PDE3A: variants seen among roughly 807,000 people sequenced by gnomAD.
PDE3A encodes cGMP-inhibited 3',5'-cyclic phosphodiesterase 3A.
Under a neutral mutation model 98.3 loss-of-function variants are expected in PDE3A, and 43 were observed. That is an observed-to-expected ratio of 0.44 (90% CI 0.34 to 0.56). The LOEUF is 0.56. PDE3A is among the 20% of genes least tolerant of loss of function. The pLI, the probability that PDE3A is intolerant of heterozygous loss-of-function variation, is 0.01. For synonymous variants in PDE3A, 663 were observed against 567.9 expected, an observed-to-expected ratio of 1.17 and a Z score of -2.38; for missense variants, 1,427 against 1,440.7, an observed-to-expected ratio of 0.99 and a Z score of 0.15.
chr12:20,594,245 G>A (rs1199057658), intron 2 of PDE3A, among the ~76,000 whole-genome samples: 1 of 151,978 alleles, frequency 6.6e-6, no homozygotes, highest in African/African-American at 2.4e-5. Flanking sequence ...AAGCGAGGAG[G>A]AAAAAGAGAA....
intron 1 of PDE3A, among the ~76,000 whole-genome samples, chr12:20,436,857 C>G (rs1296254434): frequency 1.3e-5 from 2 of 152,124 alleles, no homozygotes; most frequent in African/African-American, 2.4e-5. Context: ...GCGAATTAGC[C>G]CTCACTTCCA....
At chr12:20,519,647 A>G (rs536848253) in intron 1 of PDE3A, among the ~76,000 whole-genome samples, 36 of 152,338 alleles carry the variant, frequency 2.4e-4, no homozygotes, top group African/African-American at 8.4e-4. Flanking sequence ...GAAGAAGGGA[A>G]TGTAAAAATA....
At chr12:20,416,701 T>G (rs1053954153) in intron 1 of PDE3A, among the ~76,000 whole-genome samples, 30 of 152,308 alleles carry the variant, frequency 2.0e-4, no homozygotes, top group African/African-American at 7.2e-4. Flanking sequence ...CAAGAAATTA[T>G]GAAAACTCAG....
At chr12:20,651,258 C>T (rs901801826) in intron 14 of PDE3A, among the ~76,000 whole-genome samples, 1 of 152,158 alleles carries the variant, frequency 6.6e-6, no homozygotes, top group Non-Finnish European at 1.5e-5. Context: ...ACCCTACACC[C>T]ATCAGAATGC....
intron 1 of PDE3A, among the ~76,000 whole-genome samples, chr12:20,446,427 A>G (rs1944955056): frequency 6.6e-6 from 1 of 152,260 alleles, no homozygotes; most frequent in South Asian, 2.1e-4. Flanking sequence ...ATTTCATGGT[A>G]TCTAAGCCAA....
intron 1 of PDE3A, among the ~76,000 whole-genome samples, chr12:20,473,819 A>T (rs1266500576): frequency 6.6e-6 from 1 of 152,014 alleles, no homozygotes; most frequent in Non-Finnish European, 1.5e-5. Flanking sequence ...ATTATAGTTC[A>T]TTCATTTTCC....
intron 1 of PDE3A, among the ~76,000 whole-genome samples, chr12:20,549,110 G>A (rs1407709550): frequency 6.6e-6 from 1 of 151,940 alleles, no homozygotes; most frequent in Admixed American, 6.6e-5. Flanking sequence ...GTAATATTAA[G>A]TCAGTTTATC....
At chr12:20,447,670 G>A (rs978401494) in intron 1 of PDE3A, among the ~76,000 whole-genome samples, 11 of 152,194 alleles carry the variant, frequency 7.2e-5, no homozygotes, top group African/African-American at 2.7e-4. Flanking sequence ...CCAACTGGCT[G>A]TTCATTCATA....
intron 1 of PDE3A, among the ~76,000 whole-genome samples, chr12:20,446,904 C>T (rs1944966099): frequency 1.3e-5 from 2 of 152,002 alleles, no homozygotes; most frequent in South Asian, 4.2e-4. Context: ...GAACTGCAGT[C>T]CAAGGAGAAA....
At chr12:20,561,635 A>T (rs535292296) in intron 2 of PDE3A, among the ~76,000 whole-genome samples, 39 of 152,026 alleles carry the variant, frequency 2.6e-4, no homozygotes, top group African/African-American at 6.5e-4. Flanking sequence ...TTTTTTTTTT[A>T]AAGTCAACCT....
At chr12:20,543,173 T>G (rs963434128) in intron 1 of PDE3A, among the ~76,000 whole-genome samples, 1 of 151,990 alleles carries the variant, frequency 6.6e-6, no homozygotes, top group Non-Finnish European at 1.5e-5. Context: ...TTTTGTTTTG[T>G]CTACTCAGAA....
intron 1 of PDE3A, among the ~76,000 whole-genome samples, chr12:20,513,566 G>A (rs954062242): frequency 2.6e-5 from 4 of 152,118 alleles, no homozygotes; most frequent in African/African-American, 7.2e-5. Flanking sequence ...ACTGTTGGAT[G>A]TAGTTTTCCC....
chr12:20,679,276 C>A (rs1945710742), intron 15 of PDE3A, among the ~76,000 whole-genome samples: 1 of 152,138 alleles, frequency 6.6e-6, no homozygotes, highest in Admixed American at 6.5e-5. Context: ...GAGATGGAAT[C>A]TCGCTCTGTT....
chr12:20,606,397 T>C (rs1269319612), intron 2 of PDE3A, among the ~76,000 whole-genome samples: 2 of 152,214 alleles, frequency 1.3e-5, no homozygotes, highest in East Asian at 3.8e-4. Context: ...CTTGGTTACA[T>C]AGACTTGTTA....
At chr12:20,431,451 A>G (rs4762959) in intron 1 of PDE3A, among the ~76,000 whole-genome samples, 6,234 of 152,228 alleles carry the variant, frequency 0.041, 169 homozygotes, top group South Asian at 0.062. Context: ...GTTTCATGAC[A>G]TTAGTTTCCT....
intron 1 of PDE3A, among the ~76,000 whole-genome samples, chr12:20,518,836 T>C (rs1422907899): frequency 6.6e-6 from 1 of 152,204 alleles, no homozygotes; most frequent in Non-Finnish European, 1.5e-5. Context: ...TCTGTACTGA[T>C]GGATTTTTTT....
At chr12:20,551,268 A>C (rs1201382593) in intron 1 of PDE3A, among the ~76,000 whole-genome samples, 3 of 151,928 alleles carry the variant, frequency 2.0e-5, no homozygotes, top group Admixed American at 2.0e-4. Context: ...TCAAATTTGT[A>C]AGAACCCTTG....
intron 1 of PDE3A, among the ~76,000 whole-genome samples, chr12:20,418,860 T>G (rs1045567493): frequency 1.3e-5 from 2 of 152,182 alleles, no homozygotes; most frequent in Non-Finnish European, 2.9e-5. Context: ...ATAACCCATT[T>G]TATACATTAA....
At chr12:20,595,217 TA>T (rs1943436603) in intron 2 of PDE3A, among the ~76,000 whole-genome samples, 1 of 152,144 alleles carries the variant, frequency 6.6e-6, no homozygotes, top group Non-Finnish European at 1.5e-5. Flanking sequence ...GGTCTCATCC[TA>T]ATGCCGATTC....
Sources: gnomAD v4.1 joint callset for allele counts (sites outside exome capture counted in the v4.1 genomes callset) on GRCh38, gnomAD v4.1.1 for gene constraint, MANE v1.5 for transcripts, NCBI Gene and HGNC (gene_info 2026-07-23, HGNC 2026-07-21) for gene names.